EYS: variants seen among roughly 807,000 people sequenced by gnomAD.
EYS encodes EGF-like photoreceptor maintenance factor.
A neutral mutation model predicts 282.1 loss-of-function variants in EYS; 250 were observed. The ratio of observed to expected loss-of-function variants is 0.89; its 90% CI spans 0.80 to 0.98. The LOEUF is 0.98. Ranked by LOEUF, EYS falls within the 50% of genes least tolerant of loss-of-function variation. The pLI is 0.00. For missense variants in EYS, 4,016 were observed against 3,709.0 expected, an observed-to-expected ratio of 1.08 and a Z score of -2.15; for synonymous variants, 1,355 against 1,282.9, an observed-to-expected ratio of 1.06 and a Z score of -1.20.
chr6:65,218,812 A>G (rs1234741742), intron 12 of EYS, among the ~76,000 whole-genome samples: 1 of 152,140 alleles, frequency 6.6e-6, no homozygotes, highest in East Asian at 1.9e-4. Context: ...GGAGAAAAAA[A>G]TTAAAGAGGA....
intron 35 of EYS, among the ~76,000 whole-genome samples, chr6:63,873,638 T>G: frequency 6.6e-6 from 1 of 152,212 alleles, no homozygotes; most frequent in Non-Finnish European, 1.5e-5. Flanking sequence ...AAAGTATTCC[T>G]ATTTCTCCAC....
chr6:65,115,590 T>G (rs1775345464), intron 12 of EYS, among the ~76,000 whole-genome samples: 1 of 152,096 alleles, frequency 6.6e-6, no homozygotes, highest in African/African-American at 2.4e-5. Flanking sequence ...GGTACATTCA[T>G]AGCTAAGCCA....
chr6:64,376,951 C>A (rs1378587521), intron 29 of EYS, among the ~76,000 whole-genome samples: 3 of 151,950 alleles, frequency 2.0e-5, no homozygotes, highest in African/African-American at 7.2e-5. Flanking sequence ...AAACACTGAC[C>A]CTGAGAAGGC....
At chr6:63,760,674 A>G (rs534658920) in intron 41 of EYS, among the ~76,000 whole-genome samples, 2 of 149,690 alleles carry the variant, frequency 1.3e-5, no homozygotes, top group African/African-American at 5.1e-5. Context: ...CTATCTATCT[A>G]TCTATCTATC....
chr6:65,099,427 C>T (rs973595376), intron 12 of EYS, among the ~76,000 whole-genome samples: 1 of 150,568 alleles, frequency 6.6e-6, no homozygotes, highest in African/African-American at 2.4e-5. Context: ...ATATCTGGCA[C>T]ATATTTGTAT....
rs1768708730 is a variant in EYS, at chr6:65,678,577, C to A, written c.-448+28558G>T. 2.0e-5 allele frequency among the ~76,000 whole-genome samples: 3 copies of A among 151,874 alleles called. No individual in the cohort carries two copies. In the South Asian group the frequency reaches 6.2e-4, roughly 32 times the overall value. Reference sequence around the variant, plus strand: ...TTTTATGAATATGACACAAAAAGCACAGGAAACAAAAGCAAAAACAGACAA... The same window carrying A: ...TTTTATGAATATGACACAAAAAGCAAAGGAAACAAAAGCAAAAACAGACAA... On this transcript the variant is annotated intron_variant, in intron 1 of 42. Transcript: ENST00000503581.
chr6:64,047,389 T>G (rs1770665141), intron 33 of EYS, among the ~76,000 whole-genome samples: 1 of 152,052 alleles, frequency 6.6e-6, no homozygotes, highest in South Asian at 2.1e-4. Context: ...AGGGAAAAAG[T>G]GTGACAGAAT....
At chr6:64,362,069 C>T (rs938452947) in intron 29 of EYS, among the ~76,000 whole-genome samples, 9 of 151,640 alleles carry the variant, frequency 5.9e-5, no homozygotes, top group Admixed American at 5.3e-4. Flanking sequence ...TATCAAATAG[C>T]CTGGAAGAAA....
intron 12 of EYS, among the ~76,000 whole-genome samples, chr6:65,259,768 T>G (rs73443111): frequency 6.6e-5 from 10 of 152,186 alleles, no homozygotes; most frequent in African/African-American, 2.4e-4. Flanking sequence ...CTAGTGGGAA[T>G]GTACTCCTAA....
intron 22 of EYS, among the ~76,000 whole-genome samples, chr6:64,803,743 G>A (rs1014530403): frequency 2.0e-5 from 3 of 152,240 alleles, no homozygotes; most frequent in African/African-American, 7.2e-5. Flanking sequence ...CAGAGGGCTG[G>A]CATGTCAGCA....
intron 22 of EYS, among the ~76,000 whole-genome samples, chr6:64,807,195 A>G (rs1490488093): frequency 6.6e-6 from 1 of 152,140 alleles, no homozygotes. Context: ...AATAGTCATG[A>G]TATCTGACTA....
intron 34 of EYS, among the ~76,000 whole-genome samples, chr6:63,988,158 A>G (rs1274584350): frequency 6.6e-6 from 1 of 151,698 alleles, no homozygotes; most frequent in Admixed American, 6.6e-5. Context: ...TCTACAAACT[A>G]TTAGCAGATC....
intron 22 of EYS, among the ~76,000 whole-genome samples, chr6:64,668,389 C>T (rs1769311479): frequency 6.6e-6 from 1 of 151,920 alleles, no homozygotes; most frequent in African/African-American, 2.4e-5. Context: ...GCGGTGTAGA[C>T]ATTGGAAAAG....
At chr6:64,197,004 G>T (rs939385589) in intron 31 of EYS, among the ~76,000 whole-genome samples, 3 of 151,612 alleles carry the variant, frequency 2.0e-5, no homozygotes, top group Non-Finnish European at 4.4e-5. Flanking sequence ...AGTTTTAAGT[G>T]TTTGCTGCTG....
intron 22 of EYS, among the ~76,000 whole-genome samples, chr6:64,696,321 A>C (rs928492185): frequency 2.6e-5 from 4 of 152,208 alleles, no homozygotes; most frequent in African/African-American, 7.2e-5. Flanking sequence ...AAAATGAAGA[A>C]AAAAGAATTT....
At chr6:65,521,883 G>A (rs1297372012) in intron 2 of EYS, among the ~76,000 whole-genome samples, 1 of 152,024 alleles carries the variant, frequency 6.6e-6, no homozygotes. Flanking sequence ...GTATATAACG[G>A]ATGTTTTAAA....
At chr6:65,382,688 A>G (rs2150350611) in intron 8 of EYS, among the ~76,000 whole-genome samples, 1 of 152,080 alleles carries the variant, frequency 6.6e-6, no homozygotes, top group South Asian at 2.1e-4. Flanking sequence ...CAAAGCAAAG[A>G]ACTTGGAGTC....
rs146183924 is a variant in EYS at position 64,410,730 on chromosome 6, C to T, written c.5928-21890G>A. Among the ~76,000 whole-genome samples, 728 of 152,208 alleles carry T rather than the reference C, an allele frequency of 4.8e-3. 1 individual carries two copies. The highest frequency in any genetic ancestry group is 0.016 in the African/African-American group (685 of 41,534). ...TAATATGACAAATAAAACACATCAA[C>T]TCTAGCCAGAACATTGGCTTGACTG... On this transcript the variant is annotated intron_variant, in intron 28 of 42. Coordinates refer to ENST00000503581, the MANE Select transcript of EYS (RefSeq NM_001142800.2).
intron 5 of EYS, among the ~76,000 whole-genome samples, chr6:65,421,302 T>A (rs1223185877): frequency 6.6e-6 from 1 of 151,890 alleles, no homozygotes; most frequent in African/African-American, 2.4e-5. Flanking sequence ...AGTAGCTTTT[T>A]TCCATAAATT....
Sources: allele counts gnomAD v4.1 joint callset (sites outside exome capture counted in the v4.1 genomes callset), GRCh38; gene constraint gnomAD v4.1.1; transcripts MANE v1.5; gene names NCBI Gene and HGNC (gene_info 2026-07-23, HGNC 2026-07-21).